IKZF3: variants seen among roughly 807,000 people sequenced by gnomAD.
IKZF3 encodes IKAROS family zinc finger 3.
IKZF3 carries 10 observed loss-of-function variants against 49.0 expected under a neutral mutation model. That is an observed-to-expected ratio of 0.20 (90% CI 0.13 to 0.35). The LOEUF (loss-of-function observed/expected upper bound fraction) is 0.35, where lower values mean the gene tolerates loss of function less well. Ranked by LOEUF, IKZF3 falls within the 10% of genes least tolerant of loss-of-function variation. The pLI is 1.00. For missense variants in IKZF3, 498 were observed against 664.8 expected (o/e 0.75, Z 2.76); for synonymous variants, 209 against 228.2 (o/e 0.92, Z 0.76).
chr17:39,839,167 A>G (rs1322057637), intron 1 of IKZF3, among the ~76,000 whole-genome samples: 1 of 147,166 alleles, frequency 6.8e-6, no homozygotes, highest in Non-Finnish European at 1.5e-5. Flanking sequence ...TTTTTTTCGT[A>G]TTTTTTGAAA....
chr17:39,782,760 T>C (rs934794706), intron 6 of IKZF3, among the ~76,000 whole-genome samples: 1 of 152,136 alleles, frequency 6.6e-6, no homozygotes, highest in Non-Finnish European at 1.5e-5. Flanking sequence ...GAATATGGGA[T>C]GGTGGCAAGG....
chr17:39,836,136 C>G, intron 1 of IKZF3: 1 of 658,794 alleles, frequency 1.5e-6, no homozygotes, highest in Admixed American at 2.1e-5. Flanking sequence ...CCTGAGTGCA[C>G]ACGGCCTGGA....
At chr17:39,836,204 C>A in intron 1 of IKZF3, 1 of 650,444 alleles carries the variant, frequency 1.5e-6, no homozygotes. Flanking sequence ...ACCATGATGG[C>A]TGTGATGCCT....
intron 3 of IKZF3, among the ~76,000 whole-genome samples, chr17:39,823,002 C>T (rs561687374): frequency 6.6e-6 from 1 of 152,004 alleles, no homozygotes; most frequent in Admixed American, 6.6e-5. Context: ...GGGTAAAAGA[C>T]AGAGGTTGGA....
intron 1 of IKZF3, chr17:39,839,431 C>T: frequency 3.4e-6 from 2 of 590,636 alleles, no homozygotes; most frequent in Non-Finnish European, 6.5e-6. Context: ...ATTTTATTAC[C>T]AGTTTTCATC....
chr17:39,855,659 T>C (rs7212976), intron 1 of IKZF3, among the ~76,000 whole-genome samples: 1 of 152,242 alleles, frequency 6.6e-6, no homozygotes, highest in African/African-American at 2.4e-5. Flanking sequence ...GCCCTACTAA[T>C]TCAAATCTGA....
chr17:39,784,171 A>C (rs2060816193), intron 6 of IKZF3, among the ~76,000 whole-genome samples: 1 of 152,232 alleles, frequency 6.6e-6, no homozygotes, highest in Admixed American at 6.5e-5. Flanking sequence ...GTTACATAAA[A>C]TATTTCCTGC....
intron 6 of IKZF3, among the ~76,000 whole-genome samples, chr17:39,779,194 C>T (rs577279572): frequency 5.4e-4 from 82 of 152,298 alleles, no homozygotes; most frequent in Middle Eastern, 6.8e-3. Context: ...GGCACGGTGG[C>T]TCACGTCTAT....
Position 39,778,453 on chromosome 17 carries a change from T to C in IKZF3, c.710-686A>G, listed in dbSNP as rs542725012. On this transcript the variant is annotated intron_variant, in intron 6 of 7. Transcript: ENST00000346872. Reference sequence around the variant, plus strand: ...CTAAGCAACACTTCTGCCTTGAAATTAAAGAACAATTTGTATAATGCATCT... The same window carrying C: ...CTAAGCAACACTTCTGCCTTGAAATCAAAGAACAATTTGTATAATGCATCT... Among the ~76,000 whole-genome samples, 7 of 152,322 alleles carry C rather than the reference T, an allele frequency of 4.6e-5. No individual in the cohort carries two copies. The South Asian group carries it at 1.4e-3, about 32-fold the overall frequency.
In IKZF3 at chr17:39,762,100, G is replaced by A. The variant is rs552969769; in HGVS notation, c.*3690C>T. The A allele has an allele frequency of 2.6e-5, 4 of 152,354 alleles. No individual in the cohort carries two copies. The highest frequency in any genetic ancestry group is 5.9e-5 in the Non-Finnish European group (4 of 68,106). 9.4% of individuals were successfully genotyped at this position (152,354 alleles called of 1,614,324 possible). ...AGGCTGGTGGGAAATGAAGGAGAGG[G>A]GCCTACAAGGCTCTTGTTCAGAGGG... On this transcript the variant is annotated 3_prime_UTR_variant, in exon 8 of 8. Coordinates refer to ENST00000346872, the MANE Select transcript of IKZF3 (RefSeq NM_012481.5).
chr17:39,777,091 AT>A (rs1282393041), intron 7 of IKZF3, among the ~76,000 whole-genome samples: 2 of 152,216 alleles, frequency 1.3e-5, no homozygotes, highest in African/African-American at 4.8e-5. Context: ...ATTCTGCTGT[AT>A]TTTTTGACAA....
intron 3 of IKZF3, among the ~76,000 whole-genome samples, chr17:39,793,886 G>C (rs2061095396): frequency 6.6e-6 from 1 of 152,206 alleles, no homozygotes; most frequent in Non-Finnish European, 1.5e-5. Context: ...AAGAAACAAA[G>C]AAGGCAAATT....
intron 3 of IKZF3, among the ~76,000 whole-genome samples, chr17:39,806,127 A>G (rs779132715): frequency 1.8e-4 from 28 of 152,206 alleles, no homozygotes; most frequent in Non-Finnish European, 3.5e-4. Context: ...CTCAGCAAGT[A>G]ATTTGACTTC....
At chr17:39,826,653 T>A (rs2061964030) in intron 3 of IKZF3, among the ~76,000 whole-genome samples, 1 of 152,198 alleles carries the variant, frequency 6.6e-6, no homozygotes, top group Admixed American at 6.5e-5. Context: ...GTAGGACATG[T>A]CAATGCTCGG....
intron 1 of IKZF3, among the ~76,000 whole-genome samples, chr17:39,837,649 T>A (rs925150059): frequency 6.6e-6 from 1 of 151,820 alleles, no homozygotes; most frequent in African/African-American, 2.4e-5. Flanking sequence ...TTTTTCTTTT[T>A]TTTTTTTGAG....
At chr17:39,799,378 C>T (rs1272886873) in intron 3 of IKZF3, among the ~76,000 whole-genome samples, 1 of 152,180 alleles carries the variant, frequency 6.6e-6, no homozygotes, top group African/African-American at 2.4e-5. Context: ...TTATTTAAAA[C>T]TTTCAATGAT....
At chr17:39,856,309 G>A (rs968416754) in intron 1 of IKZF3, among the ~76,000 whole-genome samples, 8 of 151,858 alleles carry the variant, frequency 5.3e-5, no homozygotes, top group Non-Finnish European at 1.0e-4. Flanking sequence ...ATTTTTTTGA[G>A]ACGGAGTCTG....
intron 6 of IKZF3, among the ~76,000 whole-genome samples, chr17:39,779,646 G>GTTTTTTTTTT (rs138812490): frequency 1.7e-5 from 2 of 117,812 alleles, no homozygotes; most frequent in East Asian, 2.3e-4. Context: ...TATATTCTTT[G>GTTTTTTTTTT]TTTTTTGTTT....
At chr17:39,788,123 C>G (rs563103671) in intron 6 of IKZF3, 135 bp downstream of exon 6, 1 of 601,348 alleles carries the variant, frequency 1.7e-6, no homozygotes, top group South Asian at 2.2e-5. Context: ...TTCCAACTTA[C>G]AGTTTGCTCA....
Sources: gnomAD v4.1 joint callset for allele counts (sites outside exome capture counted in the v4.1 genomes callset) on GRCh38, gnomAD v4.1.1 for gene constraint, MANE v1.5 for transcripts, NCBI Gene and HGNC (gene_info 2026-07-23, HGNC 2026-07-21) for gene names.